PDE7A: variants seen among roughly 807,000 people sequenced by gnomAD.
The protein encoded by PDE7A is phosphodiesterase 7A.
In PDE7A, 39 loss-of-function variants were observed where a neutral mutation model predicts 64.3. That is an observed-to-expected ratio of 0.61 (90% confidence interval 0.47 to 0.79). The LOEUF (loss-of-function observed/expected upper bound fraction) is 0.79. Among genes scored for constraint, PDE7A ranks in the 30% least tolerant of loss-of-function variants. The pLI, the probability that PDE7A is intolerant of heterozygous loss-of-function variation, is 0.00. For missense variants in PDE7A, 470 were observed against 582.8 expected, an observed-to-expected ratio of 0.81 and a Z score of 1.99; for synonymous variants, 203 against 206.8, an observed-to-expected ratio of 0.98 and a Z score of 0.16.
intron 2 of PDE7A, among the ~76,000 whole-genome samples, chr8:65,780,100 T>C (rs1809372611): frequency 2.0e-5 from 3 of 151,926 alleles, no homozygotes; most frequent in Non-Finnish European, 4.4e-5. Flanking sequence ...TAAGATGACC[T>C]AATATATTAT....
At chr8:65,786,187 C>G (rs1436314537) in intron 1 of PDE7A, among the ~76,000 whole-genome samples, 2 of 152,104 alleles carry the variant, frequency 1.3e-5, no homozygotes, top group Non-Finnish European at 2.9e-5. Flanking sequence ...CCAAGTTATT[C>G]TATTCATTAT....
In PDE7A at chr8:65,767,639, AC is replaced by A. The variant is rs1808856107; in HGVS notation, c.283+12080del. Among the ~76,000 whole-genome samples the A allele has an allele frequency of 3.9e-5, 6 of 151,992 alleles. 1 individual carries two copies. Among genetic ancestry groups the A allele is most frequent in the Admixed American group, 3.9e-4 (6 of 15,268 alleles). Reference sequence around the variant, plus strand: ...GGGGAATCTGGGGGAAGGAATGCTGACCTCAAGAAGCTTTCATAAAAACCCA... The same window carrying A: ...GGGGAATCTGGGGGAAGGAATGCTGACTCAAGAAGCTTTCATAAAAACCCA... On this transcript the variant is annotated intron_variant, in intron 3 of 12. Transcript: ENST00000401827.
chr8:65,841,294 A>G (rs1811081113), intron 1 of PDE7A, 77 bp downstream of exon 1: 1 of 1,386,524 alleles, frequency 7.2e-7, no homozygotes, highest in South Asian at 1.7e-5. Flanking sequence ...TGGGGGTTGT[A>G]GAGGAGGTGA....
chr8:65,787,218 T>C (rs988354301), intron 1 of PDE7A, among the ~76,000 whole-genome samples: 1 of 152,210 alleles, frequency 6.6e-6, no homozygotes, highest in Non-Finnish European at 1.5e-5. Context: ...GCTGTGCTCC[T>C]TGTGCCAAAA....
At chr8:65,802,230 T>C (rs552973648) in intron 1 of PDE7A, among the ~76,000 whole-genome samples, 2 of 152,286 alleles carry the variant, frequency 1.3e-5, no homozygotes, top group South Asian at 2.1e-4. Flanking sequence ...TTTGGGATGA[T>C]GAAAAAGTTC....
intron 1 of PDE7A, among the ~76,000 whole-genome samples, chr8:65,792,910 T>G (rs1214984143): frequency 6.6e-6 from 1 of 152,202 alleles, no homozygotes; most frequent in Non-Finnish European, 1.5e-5. Context: ...GACCTTTCTG[T>G]AATACTGACT....
At chr8:65,759,319 G>A (rs1219656358) in intron 3 of PDE7A, among the ~76,000 whole-genome samples, 1 of 152,174 alleles carries the variant, frequency 6.6e-6, no homozygotes, top group African/African-American at 2.4e-5. Flanking sequence ...ATGCCACTGG[G>A]GGAAACCCCT....
At chr8:65,783,095 G>C (rs1344815120) in intron 1 of PDE7A, among the ~76,000 whole-genome samples, 1 of 152,112 alleles carries the variant, frequency 6.6e-6, no homozygotes, top group Non-Finnish European at 1.5e-5. Flanking sequence ...GCCTCTCTTT[G>C]GAAATTTAAT....
At chr8:65,730,978 C>A (rs2128895489) in intron 7 of PDE7A, among the ~76,000 whole-genome samples, 1 of 152,096 alleles carries the variant, frequency 6.6e-6, no homozygotes, top group East Asian at 1.9e-4. Context: ...TAGAGTAAAC[C>A]CAGCCAATGA....
At chr8:65,753,882 T>C (rs571260295) in intron 3 of PDE7A, among the ~76,000 whole-genome samples, 1 of 152,314 alleles carries the variant, frequency 6.6e-6, no homozygotes, top group South Asian at 2.1e-4. Flanking sequence ...TTTTATCTCA[T>C]AACCTTTTTT....
chr8:65,762,414 G>A (rs1191880415), intron 3 of PDE7A, among the ~76,000 whole-genome samples: 2 of 152,190 alleles, frequency 1.3e-5, no homozygotes, highest in Admixed American at 6.5e-5. Flanking sequence ...AGAGCAGCAC[G>A]TGCTGACATG....
intron 1 of PDE7A, among the ~76,000 whole-genome samples, chr8:65,818,722 A>C (rs1810472063): frequency 6.6e-6 from 1 of 152,222 alleles, no homozygotes. Flanking sequence ...TGAATACCTT[A>C]GGCTTTCTAA....
At chr8:65,719,746 G>T in intron 12 of PDE7A, 1 of 469,644 alleles carries the variant, frequency 2.1e-6, no homozygotes, top group South Asian at 2.8e-5. Context: ...ACCTTTTCTG[G>T]TTATCCTTCT....
rs1806587181 is a variant in PDE7A at position 65,725,874 on chromosome 8, A to G, written c.921-953T>C. Reference sequence around the variant, plus strand: ...TAATCTGTCTTAATTTTAAGAACCCATAATTTACATATACAGTGTGTTTAA... The same window carrying G: ...TAATCTGTCTTAATTTTAAGAACCCGTAATTTACATATACAGTGTGTTTAA... On this transcript the variant is annotated intron_variant, in intron 9 of 12. Transcript: ENST00000401827. Among the ~76,000 whole-genome samples the G allele has an allele frequency of 2.0e-5, 3 of 152,208 alleles. No homozygotes were observed. In the South Asian group the frequency reaches 6.2e-4, roughly 32 times the overall value.
chr8:65,824,992 A>G (rs1332851207), intron 1 of PDE7A, among the ~76,000 whole-genome samples: 2 of 152,228 alleles, frequency 1.3e-5, no homozygotes, highest in Non-Finnish European at 2.9e-5. Flanking sequence ...AACTAAATAT[A>G]TTGGAAATAT....
chr8:65,745,681 GT>G (rs1297069648), intron 4 of PDE7A, among the ~76,000 whole-genome samples: 1 of 152,134 alleles, frequency 6.6e-6, no homozygotes, highest in Non-Finnish European at 1.5e-5. Flanking sequence ...ACATTATTTT[GT>G]TTTTCAATTA....
intron 1 of PDE7A, among the ~76,000 whole-genome samples, chr8:65,819,530 T>C (rs1181179629): frequency 6.6e-6 from 1 of 152,258 alleles, no homozygotes; most frequent in Non-Finnish European, 1.5e-5. Flanking sequence ...GTAATTAGCA[T>C]GTCCTTACAA....
intron 6 of PDE7A, among the ~76,000 whole-genome samples, chr8:65,736,790 GTT>G (rs34814975): frequency 4.7e-5 from 6 of 128,788 alleles, no homozygotes; most frequent in East Asian, 2.5e-4. Flanking sequence ...AAATTTATCT[GTT>G]TTTTTTTTTT....
At chr8:65,778,750 T>C (rs1809326927) in intron 3 of PDE7A, among the ~76,000 whole-genome samples, 1 of 152,206 alleles carries the variant, frequency 6.6e-6, no homozygotes, top group Non-Finnish European at 1.5e-5. Context: ...GCTAGCAAAC[T>C]TAAGGGATGA....
Sources: gnomAD v4.1 joint callset for allele counts (sites outside exome capture counted in the v4.1 genomes callset) on GRCh38, gnomAD v4.1.1 for gene constraint, MANE v1.5 for transcripts, NCBI Gene and HGNC (gene_info 2026-07-23, HGNC 2026-07-21) for gene names.